TSPAN7: variants seen among roughly 807,000 people sequenced by gnomAD.
TSPAN7 encodes the protein tetraspanin-7.
In TSPAN7, 1 loss-of-function variant was observed where a neutral mutation model predicts 17.6. The observed-to-expected ratio is 0.06, with a 90% confidence interval of 0.02 to 0.27. TSPAN7 has a LOEUF of 0.27. Ranked by LOEUF, TSPAN7 falls within the 10% of genes least tolerant of loss-of-function variation. The pLI is 1.00. For missense variants in TSPAN7, 112 were observed against 201.7 expected, an observed-to-expected ratio of 0.56 and a Z score of 2.69; for synonymous variants, 78 against 79.0, an observed-to-expected ratio of 0.99 and a Z score of 0.07.
chrX:38,619,831 T>A (rs1297528525), intron 1 of TSPAN7, among the ~76,000 whole-genome samples: 2 of 112,567 alleles, frequency 1.8e-5, no homozygotes, highest in East Asian at 2.8e-4. Flanking sequence ...ACAGAAGTTT[T>A]ATAAACTTAC....
intron 1 of TSPAN7, among the ~76,000 whole-genome samples, chrX:38,625,013 C>T (rs942563418): frequency 2.7e-5 from 3 of 112,167 alleles, no homozygotes; most frequent in African/African-American, 9.7e-5. Flanking sequence ...TGGAATTTTC[C>T]ATATCTTTTA....
intron 1 of TSPAN7, among the ~76,000 whole-genome samples, chrX:38,648,625 T>A (rs1194703224): frequency 3.6e-5 from 4 of 111,492 alleles, no homozygotes; most frequent in African/African-American, 1.3e-4. Context: ...ATTTTTTAAA[T>A]TTTTGTCATC....
At chrX:38,644,121 T>G (rs2147437040) in intron 1 of TSPAN7, among the ~76,000 whole-genome samples, 1 of 111,950 alleles carries the variant, frequency 8.9e-6, no homozygotes, top group African/African-American at 3.2e-5. Context: ...CAAACTGTGC[T>G]GACCTCAGTA....
intron 1 of TSPAN7, among the ~76,000 whole-genome samples, chrX:38,571,236 G>A (rs2069168080): frequency 9.0e-6 from 1 of 110,993 alleles, no homozygotes; most frequent in Non-Finnish European, 1.9e-5. Flanking sequence ...AGGTACTGGT[G>A]AACAGACATA....
chrX:38,628,074 A>G (rs1176676953), intron 1 of TSPAN7, among the ~76,000 whole-genome samples: 1 of 113,141 alleles, frequency 8.8e-6, no homozygotes, highest in Non-Finnish European at 1.9e-5. Context: ...GGCTTTTCAG[A>G]TGCAGAGTTC....
chrX:38,604,101 C>T (rs1281355860), intron 1 of TSPAN7, among the ~76,000 whole-genome samples: 1 of 94,620 alleles, frequency 1.1e-5, no homozygotes, highest in African/African-American at 3.9e-5. Flanking sequence ...CAATTCCCAC[C>T]TATGAGTGAG....
chrX:38,652,317 A>C (rs1219358909), intron 1 of TSPAN7, among the ~76,000 whole-genome samples: 1 of 112,108 alleles, frequency 8.9e-6, no homozygotes, highest in African/African-American at 3.2e-5. Flanking sequence ...ACAGGTTTTG[A>C]GAAACAGTGT....
intron 1 of TSPAN7, among the ~76,000 whole-genome samples, chrX:38,643,783 T>TG (rs757852181): frequency 9.0e-6 from 1 of 110,612 alleles, no homozygotes; most frequent in African/African-American, 3.3e-5. Flanking sequence ...AGGCGGAACT[T>TG]GCAGTGAGCC....
At chrX:38,647,251 T>A (rs972447668) in intron 1 of TSPAN7, among the ~76,000 whole-genome samples, 1 of 112,164 alleles carries the variant, frequency 8.9e-6, no homozygotes, top group Non-Finnish European at 1.9e-5. Context: ...AGTTAATACA[T>A]AAACCCTCAT....
At chrX:38,634,735 C>A (rs2069569932) in intron 1 of TSPAN7, among the ~76,000 whole-genome samples, 1 of 111,503 alleles carries the variant, frequency 9.0e-6, no homozygotes, top group Non-Finnish European at 1.9e-5. Flanking sequence ...AGGGACCTCA[C>A]ATTTATTGAT....
At chrX:38,604,220 G>C (rs2069364155) in intron 1 of TSPAN7, among the ~76,000 whole-genome samples, 2 of 102,882 alleles carry the variant, frequency 1.9e-5, no homozygotes, top group South Asian at 9.4e-4. Flanking sequence ...TTTTATGGCT[G>C]CATAGTATTC....
At chrX:38,602,064 G>T (rs1480881345) in intron 1 of TSPAN7, among the ~76,000 whole-genome samples, 2 of 111,813 alleles carry the variant, frequency 1.8e-5, no homozygotes, top group African/African-American at 6.5e-5. Flanking sequence ...ATATGGGGAA[G>T]TGTGACTTAC....
rs2069190688 is a variant in TSPAN7, at chrX:38,575,715, G to A, written c.81+14088G>A. On this transcript the variant is annotated intron_variant, in intron 1 of 7. Transcript: ENST00000378482. ...CCTTATGTAAGCTGGAAATTTGGAA[G>A]CAATTAAATAAAAAATAAATGTGGT... Among the ~76,000 whole-genome samples, 3 of 111,826 alleles carry A rather than the reference G, an allele frequency of 2.7e-5. No homozygotes were observed. The Admixed American group carries it at 2.8e-4, about 11-fold the overall frequency.
chrX:38,592,386 C>T (rs2147406313), intron 1 of TSPAN7, among the ~76,000 whole-genome samples: 1 of 112,109 alleles, frequency 8.9e-6, no homozygotes, highest in East Asian at 2.8e-4. Flanking sequence ...TCTACTTACA[C>T]TTAATATAAT....
At chrX:38,626,782 G>A (rs751909329) in intron 1 of TSPAN7, among the ~76,000 whole-genome samples, 12 of 111,883 alleles carry the variant, frequency 1.1e-4, no homozygotes, top group Non-Finnish European at 2.3e-4. Context: ...ATCCTAGAGA[G>A]CATTCAATAA....
In TSPAN7 at chrX:38,681,212, T is replaced by C; in HGVS notation, c.606T>C (p.Tyr202=). 8.3e-7 allele frequency: 1 copy of C among 1,208,243 alleles called. No homozygotes were observed. Among genetic ancestry groups the C allele is most frequent in the East Asian group, 3.0e-5 (1 of 33,821 alleles). ...AATKVNQKGC[Y]DLVTSFMETN... ...TGTCTTTCTCTTTCCAGGGTTGTTA[T>C]GATCTGGTAACTAGTTTCATGGAGA... is the stretch of plus-strand genomic sequence containing the variant. The change falls in exon 6 of 8, where the codon TAT becomes TAC. Residue 202 remains tyrosine (Y), a synonymous_variant. Coordinates refer to ENST00000378482, the MANE Select transcript of TSPAN7 (RefSeq NM_004615.4).
At chrX:38,632,732 G>T (rs2069557516) in intron 1 of TSPAN7, among the ~76,000 whole-genome samples, 1 of 112,531 alleles carries the variant, frequency 8.9e-6, no homozygotes, top group African/African-American at 3.2e-5. Context: ...CTGTTACCAG[G>T]AGGGAACACT....
intron 1 of TSPAN7, among the ~76,000 whole-genome samples, chrX:38,577,059 A>G (rs1303348442): frequency 8.9e-6 from 1 of 111,833 alleles, no homozygotes; most frequent in Non-Finnish European, 1.9e-5. Flanking sequence ...AATGGAGGAC[A>G]GGGGACAGCT....
intron 1 of TSPAN7, among the ~76,000 whole-genome samples, chrX:38,585,366 G>A (rs2069252271): frequency 9.0e-6 from 1 of 111,378 alleles, no homozygotes; most frequent in Admixed American, 9.6e-5. Context: ...TAATAATGAG[G>A]AAGTACATAT....
Sources: allele counts gnomAD v4.1 joint callset (sites outside exome capture counted in the v4.1 genomes callset), GRCh38; gene constraint gnomAD v4.1.1; transcripts MANE v1.5; gene names NCBI Gene and HGNC (gene_info 2026-07-23, HGNC 2026-07-21).